The following XYLT1 variants were observed in gnomAD, a reference collection of about 807,000 sequenced individuals.
XYLT1 encodes beta-D-xylosyltransferase 1.
A neutral mutation model predicts 91.3 loss-of-function variants in XYLT1; 36 were observed. That is an observed-to-expected ratio of 0.39 (90% CI 0.30 to 0.52). XYLT1 has a LOEUF of 0.52. Ranked by LOEUF, XYLT1 falls within the 20% of genes least tolerant of loss-of-function variation. XYLT1 has a pLI of 0.68. For missense variants in XYLT1, 1,242 were observed against 1,284.5 expected (o/e 0.97, Z 0.51); for synonymous variants, 588 against 532.0 (o/e 1.11, Z -1.45).
At chr16:17,320,450 G>A (rs1402788337) in intron 2 of XYLT1, among the ~76,000 whole-genome samples, 1 of 149,478 alleles carries the variant, frequency 6.7e-6, no homozygotes, top group East Asian at 2.0e-4. Flanking sequence ...TGAGTTGTGA[G>A]TTTCCTTAGC....
intron 2 of XYLT1, among the ~76,000 whole-genome samples, chr16:17,297,370 C>T (rs920895127): frequency 2.6e-5 from 4 of 151,882 alleles, no homozygotes; most frequent in Non-Finnish European, 5.9e-5. Flanking sequence ...AGTTCGAGAA[C>T]AGCCTGGGCA....
At chr16:17,464,755 G>C (rs1012745515) in intron 1 of XYLT1, among the ~76,000 whole-genome samples, 3 of 151,930 alleles carry the variant, frequency 2.0e-5, no homozygotes, top group Non-Finnish European at 4.4e-5. Context: ...TTTGCATCAT[G>C]AGTTAGGGGT....
intron 3 of XYLT1, among the ~76,000 whole-genome samples, chr16:17,218,246 GGC>G (rs2032897955): frequency 6.6e-6 from 1 of 152,092 alleles, no homozygotes; most frequent in Admixed American, 6.5e-5. Context: ...GACAGAGTGA[GGC>G]TTCCTCTCAA....
At chr16:17,259,623 G>T in intron 2 of XYLT1, 125 bp from the exon 3 acceptor site, 2 of 1,177,328 alleles carry the variant, frequency 1.7e-6, no homozygotes, top group Non-Finnish European at 2.4e-6. Context: ...TCCTACTTTT[G>T]CTACTGGTTT....
In XYLT1 at chr16:17,104,800, T is replaced by C. The variant is rs1337794202; in HGVS notation, c.*3895A>G. ...CAGGTTGGGGCTGAGTAGCAGCTGC[T>C]CATTCTGGGTAGGTCACGTGCATGC... is the stretch of plus-strand genomic sequence containing the variant. On this transcript the variant is annotated 3_prime_UTR_variant, in exon 12 of 12. Transcript: ENST00000261381. The C allele has an allele frequency of 6.6e-6, 1 of 152,214 alleles. No homozygotes were observed. The allele number at this position is 152,214 out of a possible 1,614,324, so 9.4% of individuals were successfully genotyped here.
rs184532965 is a variant in XYLT1 at position 17,238,548 on chromosome 16, G to A, written c.913+20440C>T. ...AGACTGGCAGCTGTCTTTGGACCCAGGACCCCTGTCTTAGAGAAATCAGGT... is the reference window on the plus strand; with the variant it reads ...AGACTGGCAGCTGTCTTTGGACCCAAGACCCCTGTCTTAGAGAAATCAGGT... On this transcript the variant is annotated intron_variant, in intron 3 of 11. Transcript: ENST00000261381. 3.3e-5 allele frequency among the ~76,000 whole-genome samples: 5 copies of A among 152,326 alleles called. No individual in the cohort carries two copies. In the East Asian group the frequency reaches 9.6e-4, roughly 29 times the overall value.
intron 5 of XYLT1, among the ~76,000 whole-genome samples, chr16:17,181,127 G>GA (rs1295501915): frequency 6.6e-6 from 1 of 152,186 alleles, no homozygotes; most frequent in African/African-American, 2.4e-5. Context: ...TTGAGAAATG[G>GA]AATATGTTGT....
intron 3 of XYLT1, among the ~76,000 whole-genome samples, chr16:17,226,359 C>T (rs1342899473): frequency 6.6e-6 from 1 of 152,210 alleles, no homozygotes. Flanking sequence ...TACTATAGCA[C>T]TACTAGCACT....
intron 1 of XYLT1, among the ~76,000 whole-genome samples, chr16:17,397,238 C>T (rs982172731): frequency 2.6e-5 from 4 of 152,106 alleles, no homozygotes; most frequent in Non-Finnish European, 4.4e-5. Context: ...ATGCTTGGAT[C>T]GGCAGGTTCG....
intron 10 of XYLT1, among the ~76,000 whole-genome samples, chr16:17,125,893 G>C (rs1415610086): frequency 6.6e-6 from 1 of 152,122 alleles, no homozygotes; most frequent in Non-Finnish European, 1.5e-5. Flanking sequence ...GAAAGAATGA[G>C]CATCTTTTAT....
At chr16:17,418,684 C>A (rs2036210385) in intron 1 of XYLT1, among the ~76,000 whole-genome samples, 1 of 151,922 alleles carries the variant, frequency 6.6e-6, no homozygotes, top group Non-Finnish European at 1.5e-5. Context: ...CCTGTCTCTA[C>A]AAAAAATACA....
At chr16:17,410,303 G>C (rs1057014633) in intron 1 of XYLT1, among the ~76,000 whole-genome samples, 1 of 152,228 alleles carries the variant, frequency 6.6e-6, no homozygotes, top group Admixed American at 6.5e-5. Context: ...TCACGTTGCT[G>C]ATAAAGACAC....
At chr16:17,416,798 A>G (rs1468998575) in intron 1 of XYLT1, among the ~76,000 whole-genome samples, 1 of 152,198 alleles carries the variant, frequency 6.6e-6, no homozygotes, top group Admixed American at 6.5e-5. Context: ...ATCTCTTTGA[A>G]CAAGGAAGTG....
chr16:17,192,092 C>CT lies in XYLT1; in HGVS notation c.1289+6119dup, dbSNP rs550488299. Among the ~76,000 whole-genome samples, 993 of 126,718 alleles carry CT rather than the reference C, an allele frequency of 7.8e-3. 7 individuals carry two copies. The highest frequency in any genetic ancestry group is 0.013 in the East Asian group (58 of 4,360). The allele number at this position is 126,718 out of a possible 152,430, so 83.1% of individuals were successfully genotyped here. A position where few individuals can be genotyped will look rare whatever the true frequency, so the allele number is the denominator to read the frequency against. On this transcript the variant is annotated intron_variant, in intron 5 of 11. Transcript: ENST00000261381. ...TGAGGCGTGAGGTCTCTCTCTCTCT[C>CT]TTTTTTTTTTTTTTTTTTTTTTTTA...
intron 1 of XYLT1, among the ~76,000 whole-genome samples, chr16:17,370,948 G>A (rs1253884163): frequency 1.3e-5 from 2 of 152,112 alleles, no homozygotes; most frequent in Admixed American, 6.6e-5. Flanking sequence ...CTTCACTTAC[G>A]GCTGCCAGTG....
chr16:17,377,101 C>T (rs1167961205), intron 1 of XYLT1, among the ~76,000 whole-genome samples: 2 of 151,032 alleles, frequency 1.3e-5, no homozygotes, highest in Non-Finnish European at 2.9e-5. Context: ...TGCTTGAACC[C>T]GGAAGGTGGA....
intron 1 of XYLT1, among the ~76,000 whole-genome samples, chr16:17,393,261 G>A (rs1200079888): frequency 6.6e-6 from 1 of 152,214 alleles, no homozygotes; most frequent in African/African-American, 2.4e-5. Flanking sequence ...GGATCTGAAG[G>A]TGATGGTGTG....
At chr16:17,415,762 G>A (rs1044741905) in intron 1 of XYLT1, among the ~76,000 whole-genome samples, 1 of 152,160 alleles carries the variant, frequency 6.6e-6, no homozygotes, top group Non-Finnish European at 1.5e-5. Context: ...TGGAGGAAAA[G>A]GAGAAGCTGC....
intron 2 of XYLT1, among the ~76,000 whole-genome samples, chr16:17,308,499 C>T (rs2034499233): frequency 6.6e-6 from 1 of 152,214 alleles, no homozygotes; most frequent in Non-Finnish European, 1.5e-5. Context: ...GAAGATACAG[C>T]TCTATCTACA....
Sources: gnomAD v4.1 joint callset for allele counts (sites outside exome capture counted in the v4.1 genomes callset) on GRCh38, gnomAD v4.1.1 for gene constraint, MANE v1.5 for transcripts, NCBI Gene and HGNC (gene_info 2026-07-23, HGNC 2026-07-21) for gene names.